RHEX: variants seen among roughly 807,000 people sequenced by gnomAD.
RHEX encodes the protein regulator of hemoglobinization and erythroid cell expansion protein.
In RHEX, 18 loss-of-function variants were observed where a neutral mutation model predicts 20.1. The ratio of observed to expected loss-of-function variants is 0.90; its 90% CI spans 0.62 to 1.33. The LOEUF (loss-of-function observed/expected upper bound fraction) is 1.33, where lower values mean the gene tolerates loss of function less well. Among genes scored for constraint, RHEX ranks in the 40% most tolerant of loss-of-function variants. The pLI is 0.00. For missense variants in RHEX, 192 were observed against 214.3 expected (o/e 0.90, Z 0.65); for synonymous variants, 87 against 77.1 (o/e 1.13, Z -0.67).
chr1:206,053,364 A>G (rs1662110118), intron 1 of RHEX, 99 bp downstream of exon 1: 2 of 152,608 alleles, frequency 1.3e-5, no homozygotes, highest in South Asian at 4.1e-4. Context: ...TCTGGTTTTG[A>G]CTTGACTTAG....
intron 1 of RHEX, among the ~76,000 whole-genome samples, chr1:206,080,054 A>G (rs1316879494): frequency 1.3e-5 from 2 of 152,232 alleles, no homozygotes; most frequent in East Asian, 3.8e-4. Flanking sequence ...CATGGGTTTC[A>G]TCCTAATTGC....
In RHEX at chr1:206,079,316, G is replaced by A. The variant is rs1242037097; in HGVS notation, c.-96-18417G>A. Among the ~76,000 whole-genome samples, 7 of 152,288 alleles carry A rather than the reference G, an allele frequency of 4.6e-5. No individual in the cohort carries two copies. In the East Asian group the frequency reaches 1.3e-3, roughly 29 times the overall value. On this transcript the variant is annotated intron_variant, in intron 1 of 5. Coordinates refer to ENST00000331555, the MANE Select transcript of RHEX (RefSeq NM_001007544.4). ...GATACACTCAAATGCTGCTAGTGGT[G>A]TAGTAAAACAGACTTGAAAGCAGAA...
At chr1:206,075,918 C>T (rs1553285181) in intron 1 of RHEX, among the ~76,000 whole-genome samples, 1 of 152,052 alleles carries the variant, frequency 6.6e-6, no homozygotes, top group Non-Finnish European at 1.5e-5. Flanking sequence ...GTCTTTAATG[C>T]TGATGAAACA....
At chr1:206,088,165 G>T (rs1457781374) in intron 1 of RHEX, among the ~76,000 whole-genome samples, 1 of 151,816 alleles carries the variant, frequency 6.6e-6, no homozygotes, top group East Asian at 1.9e-4. Flanking sequence ...TTTCTTAATT[G>T]GAAAAAATGC....
chr1:206,059,671 C>G (rs1439683753), intron 1 of RHEX, among the ~76,000 whole-genome samples: 4 of 151,780 alleles, frequency 2.6e-5, no homozygotes, highest in Non-Finnish European at 5.9e-5. Context: ...GGCTACAGCA[C>G]TTGCCTCAGG....
At chr1:206,088,390 G>T (rs1463971774) in intron 1 of RHEX, among the ~76,000 whole-genome samples, 2 of 152,064 alleles carry the variant, frequency 1.3e-5, no homozygotes, top group East Asian at 3.8e-4. Context: ...TATTGTTAAT[G>T]AAATATTCTG....
intron 1 of RHEX, among the ~76,000 whole-genome samples, chr1:206,088,784 C>A (rs1445482332): frequency 6.6e-6 from 1 of 152,110 alleles, no homozygotes; most frequent in African/African-American, 2.4e-5. Flanking sequence ...GTTTAATGAC[C>A]CAGAGTTTTC....
intron 1 of RHEX, among the ~76,000 whole-genome samples, chr1:206,091,849 A>T (rs868946921): frequency 6.6e-6 from 1 of 152,136 alleles, no homozygotes; most frequent in African/African-American, 2.4e-5. Context: ...TACCATATAT[A>T]TATACCTCCA....
rs782598871 is a variant in RHEX at position 206,101,819 on chromosome 1, C to G, written c.386C>G (p.Pro129Arg). ...SDPGELKNDS[P>R]LDYENIKEIT... ...CCTGGAGAACTAAAAAATGACTCCC[C>G]GCTGGACTATGAGAACATAAAGGAA... The change falls in exon 6 of 6, where the codon CCG becomes CGG. Residue 129 changes from proline (P) to arginine (R), a missense_variant. By Grantham distance (103) the Pro-to-Arg change is moderately radical (BLOSUM62 -2). Coordinates refer to ENST00000331555, the MANE Select transcript of RHEX (RefSeq NM_001007544.4). The G allele has an allele frequency of 1.2e-6, 2 of 1,613,904 alleles. No homozygotes were observed. The highest frequency in any genetic ancestry group is 1.1e-5 in the South Asian group (1 of 91,074).
At chr1:206,063,564 C>T (rs1192214590) in intron 1 of RHEX, among the ~76,000 whole-genome samples, 1 of 152,276 alleles carries the variant, frequency 6.6e-6, no homozygotes, top group African/African-American at 2.4e-5. Flanking sequence ...ACTGGTTTTC[C>T]TATTTTTTTG....
chr1:206,054,580 T>C (rs1662150334), intron 1 of RHEX, among the ~76,000 whole-genome samples: 1 of 152,262 alleles, frequency 6.6e-6, no homozygotes, highest in Non-Finnish European at 1.5e-5. Context: ...ATCCAGTTTT[T>C]CTGTGAACTG....
At chr1:206,055,973 A>G (rs551960799) in intron 1 of RHEX, among the ~76,000 whole-genome samples, 1 of 152,390 alleles carries the variant, frequency 6.6e-6, no homozygotes, top group South Asian at 2.1e-4. Flanking sequence ...CAAAACCTAA[A>G]CATAAAGTCC....
chr1:206,064,165 C>T (rs1303814180), intron 1 of RHEX, among the ~76,000 whole-genome samples: 2 of 149,420 alleles, frequency 1.3e-5, no homozygotes, highest in Admixed American at 1.3e-4. Flanking sequence ...GCAGCCGCCC[C>T]GTCTGAGAAG....
intron 1 of RHEX, among the ~76,000 whole-genome samples, chr1:206,089,468 A>G (rs1309283183): frequency 6.6e-6 from 1 of 152,184 alleles, no homozygotes; most frequent in Non-Finnish European, 1.5e-5. Context: ...TTAAACGGCC[A>G]TATGGTCTTC....
intron 1 of RHEX, among the ~76,000 whole-genome samples, chr1:206,095,608 G>C (rs1207345827): frequency 1.3e-5 from 2 of 152,118 alleles, no homozygotes; most frequent in African/African-American, 4.8e-5. Flanking sequence ...CCTGAGGTTG[G>C]GAGTTCGAGA....
chr1:206,060,831 A>G (rs1312289730), intron 1 of RHEX: 6 of 152,314 alleles, frequency 3.9e-5, no homozygotes, highest in South Asian at 4.2e-4. Flanking sequence ...TGGAGGCAAG[A>G]GAGTGAGTTG....
chr1:206,072,314 G>A (rs537384316), intron 1 of RHEX, among the ~76,000 whole-genome samples: 20 of 152,294 alleles, frequency 1.3e-4, no homozygotes, highest in South Asian at 2.1e-4. Flanking sequence ...GGTTGTTCAC[G>A]CCTATAATCC....
chr1:206,088,506 A>G (rs782767352), intron 1 of RHEX, among the ~76,000 whole-genome samples: 12 of 152,160 alleles, frequency 7.9e-5, no homozygotes, highest in Non-Finnish European at 1.8e-4. Flanking sequence ...AACATGGTGA[A>G]ATGCTGTCTC....
rs1368883469 is a variant in RHEX, at chr1:206,102,249, G to C, written c.*297G>C. 2.4e-6 allele frequency: 1 copy of C among 421,024 alleles called. No homozygotes were observed. The highest frequency in any genetic ancestry group is 4.3e-6 in the Non-Finnish European group (1 of 230,484). The allele number at this position is 421,024 out of a possible 1,614,324, so 26.1% of individuals were successfully genotyped here. A position where few individuals can be genotyped will look rare whatever the true frequency, so the allele number is the denominator to read the frequency against. ...GATCAGATGTTAGGAAGAACTTTCA[G>C]GTAAAGTATGAGAACTATGGAGTCC... On this transcript the variant is annotated 3_prime_UTR_variant, in exon 6 of 6. Transcript: ENST00000331555.
Sources: allele counts gnomAD v4.1 joint callset (sites outside exome capture counted in the v4.1 genomes callset), GRCh38; gene constraint gnomAD v4.1.1; transcripts MANE v1.5; gene names NCBI Gene and HGNC (gene_info 2026-07-23, HGNC 2026-07-21).